PRKCB: variants seen among roughly 807,000 people sequenced by gnomAD.
PRKCB encodes protein kinase C beta, also known as protein kinase C beta type.
A neutral mutation model predicts 81.5 loss-of-function variants in PRKCB; 13 were observed. The observed-to-expected ratio is 0.16, with a 90% confidence interval of 0.10 to 0.25. PRKCB has a LOEUF of 0.25. PRKCB is among the 10% of genes least tolerant of loss of function. PRKCB has a pLI of 1.00. For missense variants in PRKCB, 509 were observed against 875.7 expected (o/e 0.58, Z 5.29); for synonymous variants, 335 against 321.4 (o/e 1.04, Z -0.45).
intron 2 of PRKCB, among the ~76,000 whole-genome samples, chr16:23,975,590 G>A (rs780886681): frequency 1.3e-5 from 2 of 152,076 alleles, no homozygotes; most frequent in Non-Finnish European, 2.9e-5. Context: ...ACACGCCCAC[G>A]CCTGAACACC....
intron 2 of PRKCB, among the ~76,000 whole-genome samples, chr16:23,951,611 T>C (rs544977490): frequency 2.2e-5 from 3 of 136,076 alleles, no homozygotes; most frequent in African/African-American, 8.7e-5. Context: ...AGAGACAGGG[T>C]TTTGCCATGT....
At position 23,981,671 on chromosome 16, in the gene PRKCB, TCTTCCC is replaced by T. The variant is rs1174825374; in HGVS notation, c.206-6824_206-6819del. Among the ~76,000 whole-genome samples the T allele has an allele frequency of 8.8e-4, 76 of 86,662 alleles. 1 individual carries two copies. The highest frequency in any genetic ancestry group is 1.7e-3 in the African/African-American group (32 of 19,182). The allele number at this position is 86,662 out of a possible 152,430, so 56.9% of individuals were successfully genotyped here. On this transcript the variant is annotated intron_variant, in intron 2 of 16. Coordinates refer to ENST00000643927, the MANE Select transcript of PRKCB (RefSeq NM_002738.7). ...TCCTTCCCTTCCTTTTTTCCCTTTCTCTTCCCCTTCCCCTTCCCTTCCCCTTCCCTT... is the reference window on the plus strand; with the variant it reads ...TCCTTCCCTTCCTTTTTTCCCTTTCTCTTCCCCTTCCCTTCCCCTTCCCTT...
At position 24,022,693 on chromosome 16, in the gene PRKCB, C is replaced by A. The variant is rs531022456; in HGVS notation, c.289-9443C>A. 5.3e-5 allele frequency among the ~76,000 whole-genome samples: 8 copies of A among 152,310 alleles called. No individual in the cohort carries two copies. The South Asian group carries it at 1.7e-3, about 32-fold the overall frequency. On this transcript the variant is annotated intron_variant, in intron 3 of 16. Transcript: ENST00000643927. ...TATTTTTAGTAGAGACAGGGTTTCA[C>A]CGTGTTAGCCAGGATGGTCTCGATC...
In PRKCB at chr16:23,865,557, GTGTGTGTGTGTGTATA is replaced by G. The variant is rs1425192027; in HGVS notation, c.205+28155_205+28170del. Among the ~76,000 whole-genome samples the G allele has an allele frequency of 4.7e-3, 150 of 31,592 alleles. 1 individual carries two copies. Among genetic ancestry groups the G allele is most frequent in the African/African-American group, 0.013 (123 of 9,380 alleles). 20.7% of individuals were successfully genotyped at this position (31,592 alleles called of 152,430 possible). A position where few individuals can be genotyped will look rare whatever the true frequency, so the allele number is the denominator to read the frequency against. ...TGTGTGTGTGTGTGTGTGTGTGTGTGTGTGTGTGTGTGTATATGTATATTTAAATTTTTATATATAA... is the reference window on the plus strand; with the variant it reads ...TGTGTGTGTGTGTGTGTGTGTGTGTGTGTATATTTAAATTTTTATATATAA... On this transcript the variant is annotated intron_variant, in intron 2 of 16. Transcript: ENST00000643927.
intron 2 of PRKCB, among the ~76,000 whole-genome samples, chr16:23,887,484 T>A (rs1963221884): frequency 6.6e-6 from 1 of 152,266 alleles, no homozygotes; most frequent in Admixed American, 6.5e-5. Flanking sequence ...TCACTTAGGA[T>A]AATGGCCTTC....
At chr16:24,166,962 T>A (rs975280776) in intron 10 of PRKCB, among the ~76,000 whole-genome samples, 2 of 151,772 alleles carry the variant, frequency 1.3e-5, no homozygotes, top group Non-Finnish European at 2.9e-5. Context: ...GACTAATGAG[T>A]CTGGGGGGCA....
intron 7 of PRKCB, among the ~76,000 whole-genome samples, chr16:24,105,045 A>C (rs1051053075): frequency 7.2e-6 from 1 of 138,134 alleles, no homozygotes; most frequent in African/African-American, 2.7e-5. Context: ...AACAAGCGGC[A>C]CGTTGTTGGA....
intron 7 of PRKCB, 59 bp downstream of exon 7, chr16:24,094,356 A>G (rs1966413092): frequency 6.4e-7 from 1 of 1,574,008 alleles, no homozygotes; most frequent in Non-Finnish European, 8.6e-7. Flanking sequence ...ACGCGGGGTC[A>G]AGTATGTTTT....
At chr16:23,974,775 C>G (rs548799517) in intron 2 of PRKCB, among the ~76,000 whole-genome samples, 1 of 152,098 alleles carries the variant, frequency 6.6e-6, no homozygotes, top group African/African-American at 2.4e-5. Flanking sequence ...GGTTGGCACA[C>G]GAGTGGTGCC....
At chr16:23,977,894 G>A (rs1307277206) in intron 2 of PRKCB, among the ~76,000 whole-genome samples, 5 of 152,036 alleles carry the variant, frequency 3.3e-5, no homozygotes, top group Non-Finnish European at 7.4e-5. Context: ...GCAATGAGTG[G>A]TTTCCGAGTG....
intron 7 of PRKCB, among the ~76,000 whole-genome samples, chr16:24,100,765 G>A (rs1216784032): frequency 6.6e-6 from 1 of 152,176 alleles, no homozygotes; most frequent in South Asian, 2.1e-4. Flanking sequence ...TAAACACAGT[G>A]CCAGCCAAGC....
intron 8 of PRKCB, among the ~76,000 whole-genome samples, chr16:24,122,468 T>TTTTC (rs1555498212): frequency 7.2e-6 from 1 of 138,930 alleles, no homozygotes; most frequent in African/African-American, 3.3e-5. Flanking sequence ...TTTTTTTTTT[T>TTTTC]AGTGAGAGAG....
intron 2 of PRKCB, among the ~76,000 whole-genome samples, chr16:23,847,364 CTATCTATCTATCTG>C (rs1962389969): frequency 1.1e-4 from 1 of 8,894 alleles, no homozygotes; most frequent in African/African-American, 1.0e-3. Context: ...ATCTATCTAT[CTATCTATCTATCTG>C]TCCATCTATC....
intron 3 of PRKCB, among the ~76,000 whole-genome samples, chr16:24,024,665 C>A (rs939884977): frequency 2.0e-5 from 3 of 152,166 alleles, no homozygotes; most frequent in Non-Finnish European, 4.4e-5. Flanking sequence ...TGTCTGCTGG[C>A]CTCAGGACTG....
At chr16:24,175,196 A>G (rs1301851108) in intron 12 of PRKCB, among the ~76,000 whole-genome samples, 7 of 152,088 alleles carry the variant, frequency 4.6e-5, no homozygotes, top group Non-Finnish European at 1.0e-4. Flanking sequence ...TCCTTGTACT[A>G]CATTGATGCA....
intron 2 of PRKCB, among the ~76,000 whole-genome samples, chr16:23,914,004 T>G (rs1433568916): frequency 6.7e-6 from 1 of 149,364 alleles, no homozygotes; most frequent in Admixed American, 6.7e-5. Flanking sequence ...CCAAGCTGTG[T>G]TTTTTTTTTC....
At chr16:24,067,941 CAAAAAAAA>C (rs912993889) in intron 5 of PRKCB, among the ~76,000 whole-genome samples, 12 of 77,068 alleles carry the variant, frequency 1.6e-4, no homozygotes, top group Non-Finnish European at 3.4e-4. Context: ...GACTCCGTCT[CAAAAAAAA>C]AAAAAAAAAA....
intron 5 of PRKCB, among the ~76,000 whole-genome samples, chr16:24,066,037 C>G (rs60473889): frequency 0.059 from 8,911 of 151,418 alleles, 322 homozygotes; most frequent in African/African-American, 0.076. Flanking sequence ...TAGATTTTCT[C>G]TCTCTCTTTG....
At chr16:24,170,031 C>T (rs2141964528) in intron 10 of PRKCB, among the ~76,000 whole-genome samples, 1 of 152,308 alleles carries the variant, frequency 6.6e-6, no homozygotes, top group African/African-American at 2.4e-5. Context: ...ATCTGCCCGC[C>T]TCAGTCTCCC....
Sources: gnomAD v4.1 joint callset for allele counts (sites outside exome capture counted in the v4.1 genomes callset) on GRCh38, gnomAD v4.1.1 for gene constraint, MANE v1.5 for transcripts, NCBI Gene and HGNC (gene_info 2026-07-23, HGNC 2026-07-21) for gene names.